Variants in RETREG3 observed in about 807,000 individuals in gnomAD.
The protein encoded by RETREG3 is reticulophagy regulator 3.
In RETREG3, 23 loss-of-function variants were observed where a neutral mutation model predicts 50.2. The ratio of observed to expected loss-of-function variants is 0.46; its 90% confidence interval spans 0.33 to 0.65. The LOEUF is 0.65. RETREG3 is among the 30% of genes least tolerant of loss of function. The pLI, the probability that RETREG3 is intolerant of heterozygous loss-of-function variation, is 0.02. For synonymous variants in RETREG3, 240 were observed against 234.4 expected (o/e 1.02, Z -0.22); for missense variants, 546 against 598.0 (o/e 0.91, Z 0.91).
rs2093108859 is a variant in RETREG3 at position 42,581,651 on chromosome 17, T to A, written c.*162A>T. 6.7e-6 allele frequency: 4 copies of A among 594,016 alleles called. No homozygotes were observed. Among genetic ancestry groups the A allele is most frequent in the African/African-American group, 3.7e-5 (2 of 53,566 alleles). 36.8% of individuals were successfully genotyped at this position (594,016 alleles called of 1,614,324 possible). On this transcript the variant is annotated 3_prime_UTR_variant, in exon 9 of 9. Transcript: ENST00000309428. The stretch of plus-strand genomic sequence containing the variant: ...GGGCATCCAGCTGGTGGGAGGGGAG[T>A]GAGTGTCCTCTCTAAGGAGGCCTCT...
Position 42,581,534 on chromosome 17 carries a change from C to T in RETREG3, c.*279G>A, listed in dbSNP as rs1333228470. ...CCTCCTCAAAGGGGAACCAATATCCCTGACTATTTTGTTCCCCCAAAGTAC... is the reference window on the plus strand; with the variant it reads ...CCTCCTCAAAGGGGAACCAATATCCTTGACTATTTTGTTCCCCCAAAGTAC... On this transcript the variant is annotated 3_prime_UTR_variant, in exon 9 of 9. Coordinates refer to ENST00000309428, the MANE Select transcript of RETREG3 (RefSeq NM_178126.4). 1.3e-5 allele frequency: 5 copies of T among 376,838 alleles called. No individual in the cohort carries two copies. 23.3% of individuals were successfully genotyped at this position (376,838 alleles called of 1,614,324 possible).
chr17:42,584,522 G>T (rs917572255), intron 6 of RETREG3, among the ~76,000 whole-genome samples: 1 of 152,104 alleles, frequency 6.6e-6, no homozygotes, highest in South Asian at 2.1e-4. Flanking sequence ...GAAAGGATCT[G>T]CTCTGGGCTC....
At chr17:42,606,261 C>T (rs185198614) in intron 1 of RETREG3, among the ~76,000 whole-genome samples, 2 of 152,252 alleles carry the variant, frequency 1.3e-5, no homozygotes, top group Non-Finnish European at 2.9e-5. Context: ...CTAGCTGTAA[C>T]ATCTAAAGAT....
intron 1 of RETREG3, among the ~76,000 whole-genome samples, chr17:42,599,809 A>G (rs1245131906): frequency 6.6e-6 from 1 of 152,124 alleles, no homozygotes; most frequent in African/African-American, 2.4e-5. Flanking sequence ...CCTGGCCAAC[A>G]TGGCGAAACC....
Position 42,582,073 on chromosome 17 carries a change from C to A in RETREG3, c.1141G>T (p.Glu381Ter), listed in dbSNP as rs749847545. The change falls in exon 9 of 9, where the codon GAG (glutamate) becomes TAG (stop). Residue 381 changes from glutamate (E) to a stop codon, truncating the protein, a stop_gained. Transcript: ENST00000309428. LOFTEE classifies it high-confidence loss of function. ...PASRDEAALPELLLGALPVGS... is the reference protein window; with the variant it reads ...PASRDEAALP Reference sequence around the variant, plus strand: ...ACAGGAAGAGCACCAAGCAGGAGCTCCGGCAGCGCAGCCTCGTCCCGGCTG... The same window carrying A: ...ACAGGAAGAGCACCAAGCAGGAGCTACGGCAGCGCAGCCTCGTCCCGGCTG... 1 of 1,614,072 alleles carries A rather than the reference C, an allele frequency of 6.2e-7. No individual in the cohort carries two copies. The highest frequency in any genetic ancestry group is 1.7e-5 in the Admixed American group (1 of 60,008).
intron 1 of RETREG3, 106 bp downstream of exon 1, chr17:42,608,979 AG>A: frequency 8.6e-7 from 1 of 1,167,536 alleles, no homozygotes; most frequent in Non-Finnish European, 1.2e-6. Flanking sequence ...AGGCAAGTAC[AG>A]GAAGGAGCCA....
At chr17:42,591,276 CTTAAT>C (rs2093132551) in intron 2 of RETREG3, among the ~76,000 whole-genome samples, 1 of 151,898 alleles carries the variant, frequency 6.6e-6, no homozygotes. Context: ...ATAATTGTCA[CTTAAT>C]TTTTCATTTG....
rs1401330373 is a variant in RETREG3 at position 42,582,947 on chromosome 17, T to C, written c.811-141A>G. The C allele has an allele frequency of 3.6e-6, 4 of 1,104,152 alleles. No individual in the cohort carries two copies. The African/African-American group carries it at 6.4e-5, about 18-fold the overall frequency. 68.4% of individuals were successfully genotyped at this position (1,104,152 alleles called of 1,614,324 possible). Reference sequence around the variant, plus strand: ...ACCAGGGATAGATGGTAACTTCCCGTTGAAAACTCCCTCTCCCCTTTATTT... The same window carrying C: ...ACCAGGGATAGATGGTAACTTCCCGCTGAAAACTCCCTCTCCCCTTTATTT... On this transcript the variant is annotated intron_variant, in intron 7 of 8. Transcript: ENST00000309428.
intron 2 of RETREG3, 71 bp downstream of exon 2, chr17:42,591,985 T>A (rs1441377482): frequency 7.5e-7 from 1 of 1,337,830 alleles, no homozygotes. Context: ...CATAAACCCC[T>A]AATACTAAAG....
rs1480340724 is a variant in RETREG3, at chr17:42,580,797, G to A, written c.*1016C>T. The A allele has an allele frequency of 2.0e-5, 3 of 152,028 alleles. No homozygotes were observed. Among genetic ancestry groups the A allele is most frequent in the Non-Finnish European group, 4.4e-5 (3 of 68,008 alleles). 9.4% of individuals were successfully genotyped at this position (152,028 alleles called of 1,614,324 possible). On this transcript the variant is annotated 3_prime_UTR_variant, in exon 9 of 9. Transcript: ENST00000309428. ...TCACACCTGTAATCCCAACACTTTG[G>A]GTGGCTGAGGCGGGCTGATCATTTG...
chr17:42,589,790 T>C (rs1488562165), intron 2 of RETREG3, among the ~76,000 whole-genome samples: 1 of 152,220 alleles, frequency 6.6e-6, no homozygotes, highest in Non-Finnish European at 1.5e-5. Context: ...ATCCATCATT[T>C]GTATTCACTG....
At chr17:42,606,600 C>CA (rs2093168295) in intron 1 of RETREG3, among the ~76,000 whole-genome samples, 1 of 143,358 alleles carries the variant, frequency 7.0e-6, no homozygotes. Flanking sequence ...GACTCCATCT[C>CA]AAAAAACAAA....
intron 7 of RETREG3, 32 bp from the exon 8 acceptor site, chr17:42,582,838 G>A: frequency 6.2e-7 from 1 of 1,613,512 alleles, no homozygotes; most frequent in Non-Finnish European, 8.5e-7. Flanking sequence ...GTGAGATAAT[G>A]CCATCAGGAA....
intron 1 of RETREG3, among the ~76,000 whole-genome samples, chr17:42,602,134 G>A (rs2093159854): frequency 6.6e-6 from 1 of 151,942 alleles, no homozygotes; most frequent in African/African-American, 2.4e-5. Context: ...TGGCCAACAT[G>A]GTGAAACTCC....
rs757460358 is a variant in RETREG3 at position 42,586,088 on chromosome 17, C to A, written c.554G>T (p.Arg185Leu). 6.2e-6 allele frequency: 10 copies of A among 1,613,866 alleles called. No homozygotes were observed. Among genetic ancestry groups the A allele is most frequent in the Non-Finnish European group, 8.5e-6 (10 of 1,179,982 alleles). ...GGACAGCAGAAGCCCAGGGACGTAG[C>A]GGCCCAAGACAGCCAAAAAGGTCAG... ...GILTFLAVLG[R>L]YVPGLLLSYL... Residue 185 changes from arginine to leucine, a missense_variant, in exon 5 of 9, where the codon CGC becomes CTC. Coordinates refer to ENST00000309428, the MANE Select transcript of RETREG3 (RefSeq NM_178126.4).
chr17:42,586,661 T>C, intron 4 of RETREG3, 104 bp downstream of exon 4: 1 of 1,463,064 alleles, frequency 6.8e-7, no homozygotes, highest in Non-Finnish European at 9.2e-7. Flanking sequence ...AACATCATAG[T>C]CTTTACTTTC....
At chr17:42,604,440 C>A (rs922759456) in intron 1 of RETREG3, among the ~76,000 whole-genome samples, 1 of 151,932 alleles carries the variant, frequency 6.6e-6, no homozygotes, top group Non-Finnish European at 1.5e-5. Context: ...GAGACCAAGC[C>A]GGGAGGGCTG....
At chr17:42,590,149 A>G (rs2093129635) in intron 2 of RETREG3, among the ~76,000 whole-genome samples, 1 of 152,222 alleles carries the variant, frequency 6.6e-6, no homozygotes, top group African/African-American at 2.4e-5. Flanking sequence ...GGTTGCAGCG[A>G]GCCAAGATCG....
intron 8 of RETREG3, 38 bp from the exon 9 acceptor site, chr17:42,582,308 C>A: frequency 6.4e-7 from 1 of 1,554,996 alleles, no homozygotes; most frequent in South Asian, 1.2e-5. Flanking sequence ...ATGGCACCTA[C>A]CTGGCCCTCC....
Sources: allele counts gnomAD v4.1 joint callset (sites outside exome capture counted in the v4.1 genomes callset), GRCh38; gene constraint gnomAD v4.1.1; transcripts MANE v1.5; gene names NCBI Gene and HGNC (gene_info 2026-07-23, HGNC 2026-07-21).